EEA1: variants seen among roughly 807,000 people sequenced by gnomAD.
The protein encoded by EEA1 is early endosome antigen 1, 162kD.
EEA1 carries 111 observed loss-of-function variants against 209.2 expected under a neutral mutation model. The observed-to-expected ratio is 0.53, with a 90% confidence interval of 0.45 to 0.62. The LOEUF (loss-of-function observed/expected upper bound fraction) is 0.62. EEA1 is among the 20% of genes least tolerant of loss of function. EEA1 has a pLI of 0.00. For missense variants in EEA1, 1,343 were observed against 1,530.8 expected, an observed-to-expected ratio of 0.88 and a Z score of 2.05; for synonymous variants, 536 against 540.6, an observed-to-expected ratio of 0.99 and a Z score of 0.12.
In EEA1 at chr12:92,929,214, C is replaced by T. The variant is rs1881335353; in HGVS notation, c.-148G>A. On this transcript the variant is annotated 5_prime_UTR_variant, in exon 1 of 29. Transcript: ENST00000322349. ...GAGGCGGTGGCGACGGCCGCTCGGGCGGCCCCGACTTCCCCACAGGCGGCG... is the reference window on the plus strand; with the variant it reads ...GAGGCGGTGGCGACGGCCGCTCGGGTGGCCCCGACTTCCCCACAGGCGGCG... The T allele has an allele frequency of 1.5e-6, 1 of 671,470 alleles. No individual in the cohort carries two copies. The highest frequency in any genetic ancestry group is 2.3e-6 in the Non-Finnish European group (1 of 430,540). The allele number at this position is 671,470 out of a possible 1,614,324, so 41.6% of individuals were successfully genotyped here.
chr12:92,806,865 C>G (rs1875232886), intron 18 of EEA1, among the ~76,000 whole-genome samples: 1 of 151,986 alleles, frequency 6.6e-6, no homozygotes, highest in East Asian at 1.9e-4. Context: ...ACAGAAAATC[C>G]ATATGATCAC....
At chr12:92,857,128 G>C (rs1207880774) in intron 5 of EEA1, 147 bp downstream of exon 5, 1 of 530,398 alleles carries the variant, frequency 1.9e-6, no homozygotes, top group Non-Finnish European at 3.3e-6. Context: ...ACATTTGTTT[G>C]CATTCATCAG....
At chr12:92,884,404 G>A (rs1357248382) in intron 2 of EEA1, 12 of 1,291,458 alleles carry the variant, frequency 9.3e-6, no homozygotes, top group Admixed American at 5.0e-5. Context: ...GTTTTGGCAG[G>A]AATGACAACA....
At chr12:92,812,879 T>C in intron 16 of EEA1, 101 bp downstream of exon 16, 2 of 737,514 alleles carry the variant, frequency 2.7e-6, no homozygotes, top group Non-Finnish European at 4.1e-6. Context: ...AGCAAGTCTA[T>C]CACAAGATTA....
chr12:92,857,088 C>A (rs1165057962), intron 5 of EEA1, among the ~76,000 whole-genome samples, 187 bp downstream of exon 5: 1 of 151,892 alleles, frequency 6.6e-6, no homozygotes, highest in Non-Finnish European at 1.5e-5. Flanking sequence ...AATGGAACAC[C>A]TTTTAAAAAA....
intron 14 of EEA1, among the ~76,000 whole-genome samples, chr12:92,817,883 C>T (rs2136680369): frequency 6.6e-6 from 1 of 152,158 alleles, no homozygotes; most frequent in South Asian, 2.1e-4. Flanking sequence ...GCCTTACTGC[C>T]CTCCTAAGGT....
chr12:92,843,692 G>A lies in EEA1; in HGVS notation c.799-1111C>T, dbSNP rs139164823. On this transcript the variant is annotated intron_variant, in intron 9 of 28. Transcript: ENST00000322349. ...ATTAATATTTCTAATATTGCTTATC[G>A]GCTTTACTTTCCACTTTATTTATAA... Among the ~76,000 whole-genome samples, 606 of 151,714 alleles carry A rather than the reference G, an allele frequency of 4.0e-3. 12 individuals carry two copies. The highest frequency in any genetic ancestry group is 0.019 in the Admixed American group (293 of 15,240).
chr12:92,849,176 T>C (rs576211515), intron 9 of EEA1, among the ~76,000 whole-genome samples: 3 of 152,378 alleles, frequency 2.0e-5, no homozygotes, highest in Non-Finnish European at 4.4e-5. Context: ...CTGACATTAA[T>C]TTGGTTCTGT....
intron 1 of EEA1, among the ~76,000 whole-genome samples, chr12:92,922,136 G>A (rs1881033230): frequency 6.6e-6 from 1 of 151,966 alleles, no homozygotes; most frequent in African/African-American, 2.4e-5. Flanking sequence ...CCCAACACCT[G>A]GCCTCTACTT....
At position 92,884,224 on chromosome 12, in the gene EEA1, C is replaced by G. The variant is rs187831257; in HGVS notation, c.117+7405G>C. On this transcript the variant is annotated intron_variant, in intron 2 of 28. Coordinates refer to ENST00000322349, the MANE Select transcript of EEA1 (RefSeq NM_003566.4). The stretch of plus-strand genomic sequence containing the variant: ...AGAAAAGGGGCTTTGCCTTTGTAAC[C>G]TTTGACGACCATGACTCCGTGGATA... The G allele has an allele frequency of 2.6e-6, 4 of 1,515,964 alleles. No individual in the cohort carries two copies. The Admixed American group carries it at 6.7e-5, about 25-fold the overall frequency. 93.9% of individuals were successfully genotyped at this position (1,515,964 alleles called of 1,614,324 possible).
intron 1 of EEA1, among the ~76,000 whole-genome samples, chr12:92,907,493 A>C (rs934825477): frequency 9.2e-5 from 14 of 152,146 alleles, no homozygotes; most frequent in African/African-American, 3.4e-4. Context: ...CCAATCACCA[A>C]GTTAATTCAA....
chr12:92,876,755 G>C (rs375349658), intron 2 of EEA1, among the ~76,000 whole-genome samples: 1 of 148,436 alleles, frequency 6.7e-6, no homozygotes, highest in South Asian at 2.1e-4. Flanking sequence ...CAGAGAATTC[G>C]ATATGCCCGG....
At chr12:92,922,191 T>C (rs1312580751) in intron 1 of EEA1, among the ~76,000 whole-genome samples, 2 of 152,254 alleles carry the variant, frequency 1.3e-5, no homozygotes, top group East Asian at 3.9e-4. Flanking sequence ...CTACTGAACA[T>C]CTCCACTTGG....
At chr12:92,809,214 T>C (rs1340979134) in intron 17 of EEA1, 58 bp from the exon 18 acceptor site, 4 of 1,300,418 alleles carry the variant, frequency 3.1e-6, no homozygotes, top group Non-Finnish European at 4.1e-6. Flanking sequence ...CAATCTATTA[T>C]TAAATACTAT....
chr12:92,784,117 A>C (rs1874023976), intron 22 of EEA1, among the ~76,000 whole-genome samples: 1 of 152,178 alleles, frequency 6.6e-6, no homozygotes, highest in South Asian at 2.1e-4. Context: ...CTAGTTCTTC[A>C]CTAATCCAGC....
At chr12:92,847,657 A>T (rs1218259463) in intron 9 of EEA1, among the ~76,000 whole-genome samples, 1 of 152,220 alleles carries the variant, frequency 6.6e-6, no homozygotes, top group African/African-American at 2.4e-5. Context: ...AATTTACTTA[A>T]AAGGCAATCA....
intron 9 of EEA1, among the ~76,000 whole-genome samples, chr12:92,850,090 G>A (rs1195538943): frequency 6.6e-6 from 1 of 152,150 alleles, no homozygotes; most frequent in Non-Finnish European, 1.5e-5. Flanking sequence ...TAGAAGAACT[G>A]AAAATGTTTA....
At chr12:92,814,283 G>C (rs770856221) in intron 15 of EEA1, among the ~76,000 whole-genome samples, 5 of 151,992 alleles carry the variant, frequency 3.3e-5, no homozygotes, top group Non-Finnish European at 7.4e-5. Context: ...CATTTACATT[G>C]ATTTAAAGGT....
intron 5 of EEA1, 62 bp downstream of exon 5, chr12:92,857,213 T>C (rs1462504108): frequency 3.0e-6 from 4 of 1,337,492 alleles, no homozygotes; most frequent in Non-Finnish European, 4.1e-6. Context: ...GTATTAAGTT[T>C]AGTTTTCAAC....
Sources: gnomAD v4.1 joint callset for allele counts (sites outside exome capture counted in the v4.1 genomes callset) on GRCh38, gnomAD v4.1.1 for gene constraint, MANE v1.5 for transcripts, NCBI Gene and HGNC (gene_info 2026-07-23, HGNC 2026-07-21) for gene names.